The following ZBTB38 variants were observed in gnomAD, a reference collection of about 807,000 sequenced individuals.
The protein encoded by ZBTB38 is zinc finger and BTB domain containing 38.
Under a neutral mutation model 76.8 loss-of-function variants are expected in ZBTB38, and 20 were observed. The ratio of observed to expected loss-of-function variants is 0.26; its 90% CI spans 0.18 to 0.38. The LOEUF (loss-of-function observed/expected upper bound fraction) is 0.38, where lower values mean the gene tolerates loss of function less well. Ranked by LOEUF, ZBTB38 falls within the 10% of genes least tolerant of loss-of-function variation. ZBTB38 has a pLI of 1.00. For missense variants in ZBTB38, 1,082 were observed against 1,482.3 expected (o/e 0.73, Z 4.43); for synonymous variants, 504 against 544.2 (o/e 0.93, Z 1.03).
At chr3:141,372,340 G>T (rs1402350804) in intron 2 of ZBTB38, among the ~76,000 whole-genome samples, 3 of 152,086 alleles carry the variant, frequency 2.0e-5, no homozygotes, top group Non-Finnish European at 4.4e-5. Context: ...TGGGCTAGTG[G>T]TATAAGCTAA....
chr3:141,400,171 G>C (rs1325670782), intron 4 of ZBTB38, among the ~76,000 whole-genome samples: 1 of 152,150 alleles, frequency 6.6e-6, no homozygotes. Flanking sequence ...GAATGATTAA[G>C]AGAGAGAATC....
In ZBTB38 at chr3:141,442,991, T is replaced by C. The variant is rs2080563943; in HGVS notation, c.603T>C (p.Leu201=). The C allele has an allele frequency of 6.2e-7, 1 of 1,614,100 alleles. No homozygotes were observed. Among genetic ancestry groups the C allele is most frequent in the East Asian group, 2.2e-5 (1 of 44,898 alleles). The part of the protein sequence containing the change: ...KVSDSMRTAS[L]CLERTDVCHE... ...CCGACTCCATGAGAACAGCTAGCCT[T>C]TGCCTGGAGAGGACGGACGTCTGCC... Residue 201 remains leucine (L), a synonymous_variant, in exon 6 of 6, where the codon CTT becomes CTC. Coordinates refer to ENST00000321464, the MANE Select transcript of ZBTB38 (RefSeq NM_001376113.1). The surrounding 1 kb of genome is among the most constrained non-coding windows in gnomAD (Gnocchi z 6.4).
chr3:141,440,453 C>T (rs1244847597), intron 5 of ZBTB38, among the ~76,000 whole-genome samples: 1 of 152,112 alleles, frequency 6.6e-6, no homozygotes, highest in Non-Finnish European at 1.5e-5. Flanking sequence ...TTTGTGTGGC[C>T]ATCTGGTCCA....
intron 2 of ZBTB38, among the ~76,000 whole-genome samples, chr3:141,371,045 CTTTTTTTTT>C (rs754872291): frequency 0.017 from 1,232 of 72,042 alleles, 35 homozygotes; most frequent in African/African-American, 0.089. Flanking sequence ...TTCTTTCTTT[CTTTTTTTTT>C]TTTTTTTTTT....
intron 1 of ZBTB38, among the ~76,000 whole-genome samples, chr3:141,337,085 C>T (rs192110962): frequency 1.3e-5 from 2 of 152,322 alleles, no homozygotes; most frequent in African/African-American, 2.4e-5. Context: ...AGTCACTCCC[C>T]GCTTCTCTGA....
At chr3:141,327,662 T>G (rs1942713765) in intron 1 of ZBTB38, among the ~76,000 whole-genome samples, 1 of 152,162 alleles carries the variant, frequency 6.6e-6, no homozygotes, top group Non-Finnish European at 1.5e-5. Flanking sequence ...CTAAGGAAAC[T>G]GAATAAAGCT....
At chr3:141,362,264 A>C (rs906619725) in intron 1 of ZBTB38, among the ~76,000 whole-genome samples, 1 of 152,164 alleles carries the variant, frequency 6.6e-6, no homozygotes, top group African/African-American at 2.4e-5. Flanking sequence ...TGATTCTCTG[A>C]GGCGTGATTC....
chr3:141,333,175 T>G (rs980477006), intron 1 of ZBTB38, among the ~76,000 whole-genome samples: 13 of 152,132 alleles, frequency 8.5e-5, no homozygotes, highest in Non-Finnish European at 1.8e-4. Flanking sequence ...CCCAGACTCA[T>G]TGTTTGCTCC....
intron 5 of ZBTB38, chr3:141,432,080 G>A (rs2077741569): frequency 1.0e-6 from 1 of 985,426 alleles, no homozygotes; most frequent in Non-Finnish European, 1.2e-6. Flanking sequence ...AAAATATACT[G>A]TAAAGATGTG....
At chr3:141,376,059 C>T (rs554810329) in intron 2 of ZBTB38, among the ~76,000 whole-genome samples, 1 of 152,276 alleles carries the variant, frequency 6.6e-6, no homozygotes, top group Admixed American at 6.5e-5. Flanking sequence ...TTCATCCTGC[C>T]TGCATAACCC....
chr3:141,345,024 C>T (rs1403904875), intron 1 of ZBTB38, among the ~76,000 whole-genome samples: 1 of 152,186 alleles, frequency 6.6e-6, no homozygotes, highest in Non-Finnish European at 1.5e-5. Flanking sequence ...AGAGGGGAGG[C>T]AGGCCTATGG....
chr3:141,350,597 C>T (rs1255832272), intron 1 of ZBTB38, among the ~76,000 whole-genome samples: 4 of 152,108 alleles, frequency 2.6e-5, no homozygotes, highest in Non-Finnish European at 5.9e-5. Flanking sequence ...GTCTTAATTC[C>T]TTGGTTTGCT....
At chr3:141,343,384 CA>C (rs953053916) in intron 1 of ZBTB38, among the ~76,000 whole-genome samples, 18 of 152,042 alleles carry the variant, frequency 1.2e-4, no homozygotes, top group African/African-American at 4.1e-4. Context: ...GACTTCCAAG[CA>C]TGGTGTTAGG....
intron 1 of ZBTB38, among the ~76,000 whole-genome samples, chr3:141,360,570 C>A (rs762719732): frequency 1.3e-4 from 20 of 152,166 alleles, no homozygotes; most frequent in Non-Finnish European, 2.1e-4. Context: ...GAATCATTAA[C>A]AATTCTAATT....
chr3:141,386,073 T>G (rs1163297164), intron 3 of ZBTB38: 1 of 152,240 alleles, frequency 6.6e-6, no homozygotes, highest in African/African-American at 2.4e-5. Flanking sequence ...GTACTATCTA[T>G]AGCCTTTTGG....
At chr3:141,357,632 C>T (rs900919490) in intron 1 of ZBTB38, among the ~76,000 whole-genome samples, 2 of 152,072 alleles carry the variant, frequency 1.3e-5, no homozygotes, top group East Asian at 1.9e-4. Flanking sequence ...GGGGTTCAAG[C>T]GATTCTCCTG....
chr3:141,395,759 G>A (rs553646916), intron 4 of ZBTB38, among the ~76,000 whole-genome samples: 3 of 152,120 alleles, frequency 2.0e-5, no homozygotes, highest in East Asian at 1.9e-4. Flanking sequence ...TCACAGGTTC[G>A]GTTCCAGGCT....
chr3:141,444,939 A>G lies in ZBTB38; in HGVS notation c.2551A>G (p.Arg851Gly). The G allele has an allele frequency of 6.2e-7, 1 of 1,614,206 alleles. No homozygotes were observed. Among genetic ancestry groups the G allele is most frequent in the Non-Finnish European group, 8.5e-7 (1 of 1,180,042 alleles). ...VKIGNEAIVKRHILGSKLFYK... is the reference protein window; with the variant it reads ...VKIGNEAIVKGHILGSKLFYK... ...AATTGGAAACGAAGCCATTGTGAAAAGGCACATTCTAGGATCTAAATTGTT... is the reference window on the plus strand; with the variant it reads ...AATTGGAAACGAAGCCATTGTGAAAGGGCACATTCTAGGATCTAAATTGTT... Residue 851 changes from arginine to glycine, a missense_variant, in exon 6 of 6, where the codon AGG (arginine) becomes GGG (glycine). Transcript: ENST00000321464. The surrounding 1 kb of genome is among the most constrained non-coding windows in gnomAD (Gnocchi z 5.1).
At chr3:141,435,351 A>G (rs567992563) in intron 5 of ZBTB38, among the ~76,000 whole-genome samples, 17 of 152,290 alleles carry the variant, frequency 1.1e-4, no homozygotes, top group African/African-American at 4.1e-4. Context: ...TCCTATTTCT[A>G]CATCTGTGCA....
Sources: allele counts gnomAD v4.1 joint callset (sites outside exome capture counted in the v4.1 genomes callset), GRCh38; gene constraint gnomAD v4.1.1; non-coding constraint Gnocchi (gnomAD v3.1); transcripts MANE v1.5; gene names NCBI Gene and HGNC (gene_info 2026-07-23, HGNC 2026-07-21).